Variants in ZNF487 observed in about 807,000 individuals in gnomAD.
ZNF487 encodes the protein zinc finger protein 487.
ZNF487 carries 4 observed loss-of-function variants against 3.0 expected under a neutral mutation model. The observed-to-expected ratio is 1.35, with a 90% CI of 0.66 to 3.08. The LOEUF (loss-of-function observed/expected upper bound fraction) is 3.08. Among genes scored for constraint, ZNF487 ranks in the 30% most tolerant of loss-of-function variants. The pLI, the probability that ZNF487 is intolerant of heterozygous loss-of-function variation, is 0.01. For missense variants in ZNF487, 146 were observed against 98.7 expected (o/e 1.48, Z -2.03); for synonymous variants, 55 against 34.6 (o/e 1.59, Z -2.06).
the ZNF487 span, among the ~76,000 whole-genome samples, chr10:43,492,941 G>C: frequency 5.9e-5 from 9 of 152,222 alleles, no homozygotes; most frequent in Middle Eastern, 6.8e-3. Flanking sequence ...GAACTCTAAA[G>C]GTGTTCAGGC....
chr10:43,445,196 G>A (rs1433491655), intron 1 of ZNF487, among the ~76,000 whole-genome samples: 3 of 150,628 alleles, frequency 2.0e-5, no homozygotes, highest in Non-Finnish European at 4.4e-5. Context: ...ACTAGGTTGT[G>A]CAGGCTGGTC....
the ZNF487 span, among the ~76,000 whole-genome samples, chr10:43,498,000 A>G: frequency 9.0e-6 from 1 of 111,176 alleles, no homozygotes; most frequent in East Asian, 3.2e-4. Flanking sequence ...ATATATATAT[A>G]TGTATATGGA....
At chr10:43,521,182 G>A in the ZNF487 span, among the ~76,000 whole-genome samples, 1 of 152,136 alleles carries the variant, frequency 6.6e-6, no homozygotes, top group Non-Finnish European at 1.5e-5. Flanking sequence ...ATGAAATACA[G>A]GGTTAGTTCC....
chr10:43,498,282 C>T, the ZNF487 span, among the ~76,000 whole-genome samples: 7 of 89,566 alleles, frequency 7.8e-5, no homozygotes, highest in African/African-American at 1.3e-4. Flanking sequence ...ATATTTTTTT[C>T]TTTTTTCTTT....
intron 1 of ZNF487, chr10:43,452,410 TC>T (rs1270359161): frequency 1.3e-5 from 2 of 152,070 alleles, no homozygotes; most frequent in African/African-American, 4.8e-5. Flanking sequence ...CATTTTTTTT[TC>T]TTCTTTTTCT....
At chr10:43,509,327 C>G in the ZNF487 span, among the ~76,000 whole-genome samples, 48 of 151,996 alleles carry the variant, frequency 3.2e-4, no homozygotes, top group Non-Finnish European at 6.2e-4. Context: ...TTACTGGAAC[C>G]TTAAGGTCCT....
the ZNF487 span, among the ~76,000 whole-genome samples, chr10:43,502,568 T>A: frequency 1.3e-5 from 2 of 152,202 alleles, no homozygotes; most frequent in Non-Finnish European, 2.9e-5. Context: ...TATTCACGTT[T>A]GTGCTGGTGC....
Position 43,441,034 on chromosome 10 carries a change from A to ATTTTTTTTT in ZNF487, c.-94+3798_-94+3806dup, listed in dbSNP as rs763451709. ...GGTAAATGCTACCACACCTGGTTAA[A>ATTTTTTTTT]TTTTTTTTTTTTTTTTTTTTTTTTT... On this transcript the variant is annotated intron_variant, in intron 1 of 3. Transcript: ENST00000437590. 8.7e-3 allele frequency among the ~76,000 whole-genome samples: 387 copies of ATTTTTTTTT among 44,554 alleles called. 91 individuals carry two copies. Among genetic ancestry groups the ATTTTTTTTT allele is most frequent in the East Asian group, 0.023 (25 of 1,110 alleles). 29.2% of individuals were successfully genotyped at this position (44,554 alleles called of 152,430 possible).
the ZNF487 span, among the ~76,000 whole-genome samples, chr10:43,512,564 G>T: frequency 1.3e-5 from 2 of 152,146 alleles, no homozygotes; most frequent in African/African-American, 4.8e-5. Context: ...GCAGAAGATG[G>T]CAGGGCCTTG....
intron 1 of ZNF487, among the ~76,000 whole-genome samples, chr10:43,460,097 C>T (rs1253375014): frequency 4.0e-5 from 6 of 151,612 alleles, no homozygotes; most frequent in Admixed American, 2.0e-4. Context: ...CCACCGTGCC[C>T]GGCCGTTGAA....
intron 1 of ZNF487, among the ~76,000 whole-genome samples, chr10:43,442,955 T>C (rs1304023017): frequency 6.6e-6 from 1 of 152,170 alleles, no homozygotes; most frequent in Non-Finnish European, 1.5e-5. Flanking sequence ...GTATTTTATT[T>C]TTAATTTAAT....
chr10:43,479,210 C>T (rs1442010915), intron 3 of ZNF487, among the ~76,000 whole-genome samples: 2 of 151,578 alleles, frequency 1.3e-5, no homozygotes, highest in Admixed American at 1.3e-4. Context: ...GCAATTCTTC[C>T]ACCTCTGCCT....
chr10:43,477,410 G>T (rs1404360764), intron 3 of ZNF487, among the ~76,000 whole-genome samples: 1 of 151,796 alleles, frequency 6.6e-6, no homozygotes, highest in Non-Finnish European at 1.5e-5. Flanking sequence ...GGCCAAGCTG[G>T]TCTCAAACTC....
At chr10:43,510,007 G>A in the ZNF487 span, among the ~76,000 whole-genome samples, 1 of 152,060 alleles carries the variant, frequency 6.6e-6, no homozygotes, top group Non-Finnish European at 1.5e-5. Flanking sequence ...AATGGGAAAC[G>A]TACCAATTCC....
At chr10:43,494,684 C>A in the ZNF487 span, among the ~76,000 whole-genome samples, 2 of 148,990 alleles carry the variant, frequency 1.3e-5, no homozygotes, top group African/African-American at 2.5e-5. Flanking sequence ...GTGAGGCTCA[C>A]ACCTGTAAGC....
the ZNF487 span, among the ~76,000 whole-genome samples, chr10:43,500,512 A>G: frequency 1.3e-5 from 2 of 151,704 alleles, no homozygotes; most frequent in African/African-American, 4.8e-5. Flanking sequence ...TTTATTTTTA[A>G]TTTTTTTGAG....
intron 1 of ZNF487, among the ~76,000 whole-genome samples, chr10:43,474,376 C>T (rs995676125): frequency 6.6e-6 from 1 of 151,600 alleles, no homozygotes; most frequent in Non-Finnish European, 1.5e-5. Flanking sequence ...ATTGCTTGAA[C>T]CTGGGAGGTG....
intron 1 of ZNF487, among the ~76,000 whole-genome samples, chr10:43,457,914 C>T (rs1396729688): frequency 6.6e-6 from 1 of 150,922 alleles, no homozygotes; most frequent in African/African-American, 2.4e-5. Flanking sequence ...CCCAGCTACT[C>T]GGGAGGCTGA....
intron 1 of ZNF487, among the ~76,000 whole-genome samples, chr10:43,462,274 A>G (rs1472405785): frequency 6.6e-6 from 1 of 151,868 alleles, no homozygotes; most frequent in Non-Finnish European, 1.5e-5. Context: ...TTGAACTACT[A>G]TGCCTGAACC....
Sources: allele counts gnomAD v4.1 joint callset (sites outside exome capture counted in the v4.1 genomes callset), GRCh38; gene constraint gnomAD v4.1.1; transcripts MANE v1.5; gene names NCBI Gene and HGNC (gene_info 2026-07-23, HGNC 2026-07-21).